The following TIMM13 variants were observed in gnomAD, a reference collection of about 807,000 sequenced individuals.
TIMM13 encodes translocase of inner mitochondrial membrane 13.
TIMM13 carries 8 observed loss-of-function variants against 10.9 expected under a neutral mutation model. That is an observed-to-expected ratio of 0.73 (90% CI 0.43 to 1.32). The LOEUF (loss-of-function observed/expected upper bound fraction) is 1.32. TIMM13 is among the 40% of genes most tolerant of loss of function. The pLI is 0.01. For synonymous variants in TIMM13, 68 were observed against 52.5 expected, an observed-to-expected ratio of 1.30 and a Z score of -1.28; for missense variants, 147 against 132.8, an observed-to-expected ratio of 1.11 and a Z score of -0.53.
chr19:2,426,016 GCC>G lies in TIMM13; in HGVS notation c.*930_*931del. The stretch of plus-strand genomic sequence containing the variant: ...CTAGCTGGGGCTATGGCTGTGGCCG[GCC>G]CCACTTCCCAGGTGTCTATACCCGG... On this transcript the variant is annotated 3_prime_UTR_variant, in exon 3 of 3. Coordinates refer to ENST00000215570, the MANE Select transcript of TIMM13 (RefSeq NM_012458.4). The G allele has an allele frequency of 6.2e-7, 1 of 1,607,962 alleles. No homozygotes were observed. The highest frequency in any genetic ancestry group is 8.5e-7 in the Non-Finnish European group (1 of 1,177,968).
chr19:2,425,912 T>C lies in TIMM13; in HGVS notation c.*1036A>G. On this transcript the variant is annotated 3_prime_UTR_variant, in exon 3 of 3. Coordinates refer to ENST00000215570, the MANE Select transcript of TIMM13 (RefSeq NM_012458.4). ...GGTACCGGCCTCTGAACCCCCTTTCTTCTCTCCCCAACAGGGTGACGCTGG... is the reference window on the plus strand; with the variant it reads ...GGTACCGGCCTCTGAACCCCCTTTCCTCTCTCCCCAACAGGGTGACGCTGG... The C allele has an allele frequency of 5.1e-6, 8 of 1,577,312 alleles. No individual in the cohort carries two copies. The highest frequency in any genetic ancestry group is 2.3e-5 in the East Asian group (1 of 43,444).
chr19:2,427,542 A>G lies in TIMM13; in HGVS notation c.-9T>C. 1 of 1,597,374 alleles carries G rather than the reference A, an allele frequency of 6.3e-7. No homozygotes were observed. The highest frequency in any genetic ancestry group is 8.5e-7 in the Non-Finnish European group (1 of 1,172,926). Reference sequence around the variant, plus strand: ...CCGAAGCCGCCCTCCATGGCTCCGCAAAGTCAACCGGACCGAGGCCGCGTG... The same window carrying G: ...CCGAAGCCGCCCTCCATGGCTCCGCGAAGTCAACCGGACCGAGGCCGCGTG... On this transcript the variant is annotated 5_prime_UTR_variant, in exon 1 of 3. Coordinates refer to ENST00000215570, the MANE Select transcript of TIMM13 (RefSeq NM_012458.4).
rs750724878 is a variant in TIMM13 at position 2,427,551 on chromosome 19, C to T, written c.-18G>A. ...CCCTCCATGGCTCCGCAAAGTCAAC[C>T]GGACCGAGGCCGCGTGCGCCGACTC... is the stretch of plus-strand genomic sequence containing the variant. On this transcript the variant is annotated 5_prime_UTR_variant, in exon 1 of 3. Transcript: ENST00000215570. The T allele has an allele frequency of 2.5e-6, 4 of 1,586,102 alleles. No individual in the cohort carries two copies. Among genetic ancestry groups the T allele is most frequent in the African/African-American group, 2.7e-5 (2 of 74,350 alleles).
rs1378511729 is a variant in TIMM13 at position 2,427,568 on chromosome 19, C to A, written c.-35G>T. ...AAGTCAACCGGACCGAGGCCGCGTG[C>A]GCCGACTCGTAACTAACTGCGCCGG... is the stretch of plus-strand genomic sequence containing the variant. On this transcript the variant is annotated 5_prime_UTR_variant, in exon 1 of 3. Transcript: ENST00000215570. The A allele has an allele frequency of 6.4e-7, 1 of 1,565,198 alleles. No homozygotes were observed. The highest frequency in any genetic ancestry group is 1.9e-5 in the Admixed American group (1 of 52,006).
Position 2,426,057 on chromosome 19 carries a change from G to C in TIMM13, c.*891C>G, listed in dbSNP as rs1971620794. Reference sequence around the variant, plus strand: ...GTCTATACCCGGGTGGCAGCTGTGAGAGGCTGGATAGGACAGCACATCCAG... The same window carrying C: ...GTCTATACCCGGGTGGCAGCTGTGACAGGCTGGATAGGACAGCACATCCAG... On this transcript the variant is annotated 3_prime_UTR_variant, in exon 3 of 3. Transcript: ENST00000215570. 1.2e-6 allele frequency: 2 copies of C among 1,609,552 alleles called. No individual in the cohort carries two copies.
rs1329763387 is a variant in TIMM13, at chr19:2,426,125, A to G, written c.*823T>C. The G allele has an allele frequency of 1.3e-6, 2 of 1,514,232 alleles. No individual in the cohort carries two copies. The highest frequency in any genetic ancestry group is 2.4e-5 in the South Asian group (2 of 83,808). 93.8% of individuals were successfully genotyped at this position (1,514,232 alleles called of 1,614,324 possible). ...CTGCCCAGGCCGAGACTCTACGTGAAAGCAACAGGAGCAGCAGGCCACCCA... is the reference window on the plus strand; with the variant it reads ...CTGCCCAGGCCGAGACTCTACGTGAGAGCAACAGGAGCAGCAGGCCACCCA... On this transcript the variant is annotated 3_prime_UTR_variant, in exon 3 of 3. Transcript: ENST00000215570.
intron 2 of TIMM13, 50 bp downstream of exon 2, chr19:2,427,206 C>T (rs777126466): frequency 2.9e-5 from 46 of 1,602,318 alleles, no homozygotes; most frequent in Admixed American, 6.7e-5. Flanking sequence ...CACCTCCCCC[C>T]TCGAATCTAG....
chr19:2,425,716 G>A lies in TIMM13; in HGVS notation c.*1232C>T. ...CCGGGCCTCGGCGGCAGAGCAGGCAGAGGCTGCAGTGGGAGGCACCGTTCC... is the reference window on the plus strand; with the variant it reads ...CCGGGCCTCGGCGGCAGAGCAGGCAAAGGCTGCAGTGGGAGGCACCGTTCC... On this transcript the variant is annotated 3_prime_UTR_variant, in exon 3 of 3. Transcript: ENST00000215570. 1.7e-6 allele frequency: 2 copies of A among 1,175,534 alleles called. No homozygotes were observed. The highest frequency in any genetic ancestry group is 2.3e-6 in the Non-Finnish European group (2 of 876,048). The allele number at this position is 1,175,534 out of a possible 1,614,324, so 72.8% of individuals were successfully genotyped here. A position where few individuals can be genotyped will look rare whatever the true frequency, so the allele number is the denominator to read the frequency against.
Position 2,425,956 on chromosome 19 carries a change from G to A in TIMM13, c.*992C>T. On this transcript the variant is annotated 3_prime_UTR_variant, in exon 3 of 3. Coordinates refer to ENST00000215570, the MANE Select transcript of TIMM13 (RefSeq NM_012458.4). ...ACGCTGGGGGACCCCTGGCCTGCAGGGAGCCCTCTGGACGGTGGGTGCTAA... is the reference window on the plus strand; with the variant it reads ...ACGCTGGGGGACCCCTGGCCTGCAGAGAGCCCTCTGGACGGTGGGTGCTAA... The A allele has an allele frequency of 6.2e-7, 1 of 1,602,764 alleles. No individual in the cohort carries two copies. The highest frequency in any genetic ancestry group is 8.5e-7 in the Non-Finnish European group (1 of 1,176,486).
Position 2,426,275 on chromosome 19 carries a change from G to A in TIMM13, c.*673C>T. The A allele has an allele frequency of 6.1e-6, 2 of 327,536 alleles. No homozygotes were observed. The highest frequency in any genetic ancestry group is 4.8e-5 in the South Asian group (1 of 20,648). The allele number at this position is 327,536 out of a possible 1,614,324, so 20.3% of individuals were successfully genotyped here. A position where few individuals can be genotyped will look rare whatever the true frequency, so the allele number is the denominator to read the frequency against. ...CCCTCCACCCTAGCTCACTGGCTCA[G>A]CACCTCAGTGTCACAGCGAGGACCA... On this transcript the variant is annotated 3_prime_UTR_variant, in exon 3 of 3. Coordinates refer to ENST00000215570, the MANE Select transcript of TIMM13 (RefSeq NM_012458.4).
In TIMM13 at chr19:2,426,134, GAGC is replaced by G. The variant is rs746376969; in HGVS notation, c.*811_*813del. 3.3e-6 allele frequency: 5 copies of G among 1,500,592 alleles called. No homozygotes were observed. The highest frequency in any genetic ancestry group is 1.2e-5 in the South Asian group (1 of 81,428). 93.0% of individuals were successfully genotyped at this position (1,500,592 alleles called of 1,614,324 possible). On this transcript the variant is annotated 3_prime_UTR_variant, in exon 3 of 3. Transcript: ENST00000215570. ...CCGAGACTCTACGTGAAAGCAACAG[GAGC>G]AGCAGGCCACCCAACACCCCACCCC...
rs979237093 is a variant in TIMM13, at chr19:2,426,724, C to G, written c.*224G>C. On this transcript the variant is annotated 3_prime_UTR_variant, in exon 3 of 3. Transcript: ENST00000215570. ...CCCCAAAGGCCTGAAGGAGGTGCCA[C>G]TGGGCTGCCAGCACTTCAGGAAGGC... 2.3e-4 allele frequency: 139 copies of G among 600,440 alleles called. No individual in the cohort carries two copies. Among genetic ancestry groups the G allele is most frequent in the Non-Finnish European group, 3.2e-4 (108 of 335,508 alleles). 37.2% of individuals were successfully genotyped at this position (600,440 alleles called of 1,614,324 possible). A position where few individuals can be genotyped will look rare whatever the true frequency, so the allele number is the denominator to read the frequency against.
Position 2,426,789 on chromosome 19 carries a change from G to T in TIMM13, c.*159C>A. ...CCCCGAGATCCAAGCTGCACTGGCT[G>T]GCAGGGGGCAGGGCGGGGGGTGGCG... On this transcript the variant is annotated 3_prime_UTR_variant, in exon 3 of 3. Transcript: ENST00000215570. 2.7e-6 allele frequency: 2 copies of T among 744,956 alleles called. No homozygotes were observed. The highest frequency in any genetic ancestry group is 4.5e-6 in the Non-Finnish European group (2 of 446,766). The allele number at this position is 744,956 out of a possible 1,614,324, so 46.1% of individuals were successfully genotyped here. A position where few individuals can be genotyped will look rare whatever the true frequency, so the allele number is the denominator to read the frequency against.
chr19:2,425,971 G>GT lies in TIMM13; in HGVS notation c.*976dup. 6.2e-7 allele frequency: 1 copy of GT among 1,607,260 alleles called. No homozygotes were observed. Among genetic ancestry groups the GT allele is most frequent in the Non-Finnish European group, 8.5e-7 (1 of 1,177,870 alleles). ...TGGCCTGCAGGGAGCCCTCTGGACG[G>GT]TGGGTGCTAACTGGGGTCACTAGCT... On this transcript the variant is annotated 3_prime_UTR_variant, in exon 3 of 3. Transcript: ENST00000215570.
At position 2,426,044 on chromosome 19, in the gene TIMM13, G is replaced by A. The variant is rs764318056; in HGVS notation, c.*904C>T. The A allele has an allele frequency of 3.1e-6, 5 of 1,609,332 alleles. No homozygotes were observed. Among genetic ancestry groups the A allele is most frequent in the Admixed American group, 3.4e-5 (2 of 59,272 alleles). On this transcript the variant is annotated 3_prime_UTR_variant, in exon 3 of 3. Coordinates refer to ENST00000215570, the MANE Select transcript of TIMM13 (RefSeq NM_012458.4). ...CCACTTCCCAGGTGTCTATACCCGG[G>A]TGGCAGCTGTGAGAGGCTGGATAGG...
Position 2,425,733 on chromosome 19 carries a change from C to T in TIMM13, c.*1215G>A. On this transcript the variant is annotated 3_prime_UTR_variant, in exon 3 of 3. Coordinates refer to ENST00000215570, the MANE Select transcript of TIMM13 (RefSeq NM_012458.4). ...AGCAGGCAGAGGCTGCAGTGGGAGG[C>T]ACCGTTCCACTCCGGGACCACGTGG... 3 of 1,129,120 alleles carry T rather than the reference C, an allele frequency of 2.7e-6. No individual in the cohort carries two copies. The highest frequency in any genetic ancestry group is 3.1e-4 in the Middle Eastern group (1 of 3,248). 69.9% of individuals were successfully genotyped at this position (1,129,120 alleles called of 1,614,324 possible). A position where few individuals can be genotyped will look rare whatever the true frequency, so the allele number is the denominator to read the frequency against.
At position 2,426,728 on chromosome 19, in the gene TIMM13, G is replaced by A; in HGVS notation, c.*220C>T. 1 of 602,356 alleles carries A rather than the reference G, an allele frequency of 1.7e-6. No individual in the cohort carries two copies. The highest frequency in any genetic ancestry group is 3.0e-6 in the Non-Finnish European group (1 of 336,528). 37.3% of individuals were successfully genotyped at this position (602,356 alleles called of 1,614,324 possible). A position where few individuals can be genotyped will look rare whatever the true frequency, so the allele number is the denominator to read the frequency against. The stretch of plus-strand genomic sequence containing the variant: ...AAAGGCCTGAAGGAGGTGCCACTGG[G>A]CTGCCAGCACTTCAGGAAGGCACAG... On this transcript the variant is annotated 3_prime_UTR_variant, in exon 3 of 3. Coordinates refer to ENST00000215570, the MANE Select transcript of TIMM13 (RefSeq NM_012458.4).
rs1042365798 is a variant in TIMM13 at position 2,427,151 on chromosome 19, G to A, written c.189+105C>T. On this transcript the variant is annotated intron_variant, in intron 2 of 2. Transcript: ENST00000215570. ...CCGGGCTGCAGACTACGCACGTGCA[G>A]TGACCACTCCGTCGCACCTCCCCGT... 4.0e-5 allele frequency: 63 copies of A among 1,570,478 alleles called. No homozygotes were observed. In the East Asian group the frequency reaches 1.4e-3, roughly 35 times the overall value.
At position 2,426,499 on chromosome 19, in the gene TIMM13, G is replaced by A. The variant is rs1013578624; in HGVS notation, c.*449C>T. The A allele has an allele frequency of 3.6e-6, 1 of 279,780 alleles. No individual in the cohort carries two copies. Among genetic ancestry groups the A allele is most frequent in the Non-Finnish European group, 6.8e-6 (1 of 146,792 alleles). 17.3% of individuals were successfully genotyped at this position (279,780 alleles called of 1,614,324 possible). On this transcript the variant is annotated 3_prime_UTR_variant, in exon 3 of 3. Coordinates refer to ENST00000215570, the MANE Select transcript of TIMM13 (RefSeq NM_012458.4). ...AGGGGAGGCTGAGACCCTCCGAGCTGGGGTTCCAGGGACACGCGTCACCTC... is the reference window on the plus strand; with the variant it reads ...AGGGGAGGCTGAGACCCTCCGAGCTAGGGTTCCAGGGACACGCGTCACCTC...
Sources: allele counts gnomAD v4.1 joint callset, GRCh38; gene constraint gnomAD v4.1.1; transcripts MANE v1.5; gene names NCBI Gene and HGNC (gene_info 2026-07-23, HGNC 2026-07-21).